Variants in SEZ6 observed in about 807,000 individuals in gnomAD.
The protein encoded by SEZ6 is seizure related 6 homolog.
In SEZ6, 53 loss-of-function variants were observed where a neutral mutation model predicts 101.0. The observed-to-expected ratio is 0.52, with a 90% CI of 0.42 to 0.66. The LOEUF (loss-of-function observed/expected upper bound fraction) is 0.66. Among genes scored for constraint, SEZ6 ranks in the 30% least tolerant of loss-of-function variants. The probability of loss-of-function intolerance (pLI) is 0.00; values close to 1 mark genes in which losing one functional copy is unlikely to be tolerated. For synonymous variants in SEZ6, 488 were observed against 512.2 expected (o/e 0.95, Z 0.64); for missense variants, 1,102 against 1,289.4 (o/e 0.85, Z 2.23).
intron 4 of SEZ6, among the ~76,000 whole-genome samples, chr17:28,964,481 G>T (rs2041031761): frequency 6.6e-6 from 1 of 152,138 alleles, no homozygotes. Flanking sequence ...CTACCTACAG[G>T]GTTACTGTGA....
chr17:28,963,358 C>T (rs1285050107), intron 5 of SEZ6, among the ~76,000 whole-genome samples: 1 of 152,172 alleles, frequency 6.6e-6, no homozygotes, highest in Non-Finnish European at 1.5e-5. Flanking sequence ...TGGCTGGCCT[C>T]CCAGTCATCT....
chr17:28,993,667 A>G (rs922065914), intron 1 of SEZ6, among the ~76,000 whole-genome samples: 2 of 152,132 alleles, frequency 1.3e-5, no homozygotes, highest in Admixed American at 1.3e-4. Flanking sequence ...CTCGCTCCAC[A>G]TACCCAACAA....
intron 1 of SEZ6, among the ~76,000 whole-genome samples, chr17:28,988,268 C>T (rs574416777): frequency 6.6e-6 from 1 of 152,328 alleles, no homozygotes; most frequent in South Asian, 2.1e-4. Flanking sequence ...TTCTCTTGAC[C>T]TCCTGGGGGC....
In SEZ6 at chr17:28,956,447, A is replaced by G. The variant is rs781290921; in HGVS notation, c.2752T>C (p.Ser918Pro). ...SLDVAKAPAASSTLDAAHIAA... is the reference protein window; with the variant it reads ...SLDVAKAPAAPSTLDAAHIAA... ...ATGTGGGCAGCATCCAGGGTGCTGG[A>G]GGCAGCAGGTGCCTTGGCAACTGAA... The change falls in exon 15 of 17, where the codon TCC (serine) becomes CCC (proline). Residue 918 changes from serine (S) to proline (P), a missense_variant. Physicochemically the swap from Ser to Pro is moderately conservative, Grantham distance 74 (BLOSUM62 -1). This residue lies in a region of SEZ6 where 140 missense variants were observed against 135.7 expected (regional missense o/e 1.03). Coordinates refer to ENST00000317338, the MANE Select transcript of SEZ6 (RefSeq NM_178860.5). 1 of 1,557,730 alleles carries G rather than the reference A, an allele frequency of 6.4e-7. No homozygotes were observed. Among genetic ancestry groups the G allele is most frequent in the South Asian group, 1.2e-5 (1 of 84,414 alleles).
intron 1 of SEZ6, among the ~76,000 whole-genome samples, chr17:28,986,741 G>A (rs1396551261): frequency 6.6e-6 from 1 of 152,218 alleles, no homozygotes; most frequent in Middle Eastern, 3.2e-3. Flanking sequence ...ATCCCAAATC[G>A]ATGTGACACT....
intron 1 of SEZ6, among the ~76,000 whole-genome samples, chr17:28,997,073 A>G (rs1349859083): frequency 6.6e-6 from 1 of 152,008 alleles, no homozygotes; most frequent in Non-Finnish European, 1.5e-5. Context: ...GGCTCTTTCT[A>G]TCCTGGCTGG....
intron 3 of SEZ6, among the ~76,000 whole-genome samples, chr17:28,976,574 G>A (rs917436448): frequency 1.3e-5 from 2 of 152,174 alleles, no homozygotes; most frequent in Non-Finnish European, 2.9e-5. Flanking sequence ...CCCCAAGCCT[G>A]AGGAGCCATG....
chr17:28,960,744 C>T (rs899399874), intron 6 of SEZ6, 61 bp downstream of exon 6: 12 of 1,610,884 alleles, frequency 7.4e-6, no homozygotes, highest in East Asian at 6.7e-5. Flanking sequence ...GCTTGGGTAG[C>T]GTCCCTCCAG....
intron 10 of SEZ6, among the ~76,000 whole-genome samples, chr17:28,958,698 G>A (rs994301168): frequency 2.0e-5 from 3 of 151,892 alleles, no homozygotes; most frequent in Non-Finnish European, 2.9e-5. Flanking sequence ...GATGAGGCAC[G>A]AGAATCGCTT....
chr17:28,960,765 C>A (rs771279170), intron 6 of SEZ6, 40 bp downstream of exon 6: 8 of 1,612,634 alleles, frequency 5.0e-6, no homozygotes, highest in Non-Finnish European at 5.9e-6. Flanking sequence ...CAGGGTATTA[C>A]CAGGCCAGGC....
Position 29,005,069 on chromosome 17 carries a change from C to CGG in SEZ6, c.55+744_55+745dup, listed in dbSNP as rs1808764473. On this transcript the variant is annotated intron_variant, in intron 1 of 16. Transcript: ENST00000317338. The surrounding 1 kb of genome is among the most constrained non-coding windows in gnomAD (Gnocchi z 4.8). The stretch of plus-strand genomic sequence containing the variant: ...GGCAGGCCGGGAGGGAGGCAGAGCT[C>CGG]GGGGCAGTGGTGTGTGTGTGTGTGT... 7.1e-6 allele frequency among the ~76,000 whole-genome samples: 1 copy of CGG among 141,420 alleles called. No individual in the cohort carries two copies. Among genetic ancestry groups the CGG allele is most frequent in the Admixed American group, 7.2e-5 (1 of 13,864 alleles). 92.8% of individuals were successfully genotyped at this position (141,420 alleles called of 152,430 possible).
At chr17:28,992,948 T>C (rs1265765880) in intron 1 of SEZ6, among the ~76,000 whole-genome samples, 1 of 152,170 alleles carries the variant, frequency 6.6e-6, no homozygotes, top group Non-Finnish European at 1.5e-5. Context: ...CCTGTTTGCC[T>C]GCTGGCCCTG....
chr17:28,989,694 G>A (rs2041430712), intron 1 of SEZ6, among the ~76,000 whole-genome samples: 1 of 152,042 alleles, frequency 6.6e-6, no homozygotes, highest in Non-Finnish European at 1.5e-5. Context: ...CCTGGGTATG[G>A]GCCAAGCTAA....
chr17:28,957,400 A>G lies in SEZ6; in HGVS notation c.2442T>C (p.His814=). The change falls in exon 12 of 17, where the codon CAT becomes CAC. Residue 814 remains histidine, a synonymous_variant. Coordinates refer to ENST00000317338, the MANE Select transcript of SEZ6 (RefSeq NM_178860.5). ...VLMGSSILTC[H]DRQAGSPKWS... The stretch of plus-strand genomic sequence containing the variant: ...ACTTGGGGCTGCCAGCCTGGCGATC[A>G]TGGCAGGTGAGGATGGAGCTGCCCA... 1.2e-6 allele frequency: 2 copies of G among 1,613,774 alleles called. No individual in the cohort carries two copies. The highest frequency in any genetic ancestry group is 2.2e-5 in the South Asian group (2 of 91,052).
chr17:29,005,836 G>A lies in SEZ6; in HGVS notation c.34C>T (p.Leu12=), dbSNP rs1273538999. The A allele has an allele frequency of 3.1e-5, 46 of 1,486,604 alleles. 1 individual carries two copies. In the Admixed American group the frequency reaches 9.6e-4, roughly 31 times the overall value. 92.1% of individuals were successfully genotyped at this position (1,486,604 alleles called of 1,614,324 possible). A position where few individuals can be genotyped will look rare whatever the true frequency, so the allele number is the denominator to read the frequency against. The part of the protein sequence containing the change: ...RPVALLLLPS[L]LALLAHGLSL... ...TTACCGTGAGCCAGGAGCGCCAGCA[G>A]CGAGGGCAGGAGCAGCAGGGCTACC... The change falls in exon 1 of 17, where the codon CTG becomes TTG. Residue 12 remains leucine (L), a synonymous_variant. Transcript: ENST00000317338. This position sits in a 1 kb window ranked among gnomAD's most constrained non-coding sequence, Gnocchi z 4.8.
At chr17:28,969,072 A>G (rs2152686102) in intron 4 of SEZ6, among the ~76,000 whole-genome samples, 1 of 152,356 alleles carries the variant, frequency 6.6e-6, no homozygotes, top group Admixed American at 6.5e-5. Flanking sequence ...GTTTCATATT[A>G]CAGCAGAAGG....
chr17:28,982,495 CGTAA>C lies in SEZ6; in HGVS notation c.56-460_56-457del, dbSNP rs1305057452. On this transcript the variant is annotated intron_variant, in intron 1 of 16. Transcript: ENST00000317338. ...CGACCAGTTGAATTGAGATGAAAACCGTAAGTGTGTCTCCCACCACAGTGTCTTT... is the reference window on the plus strand; with the variant it reads ...CGACCAGTTGAATTGAGATGAAAACCGTGTGTCTCCCACCACAGTGTCTTT... Among the ~76,000 whole-genome samples, 3 of 152,300 alleles carry C rather than the reference CGTAA, an allele frequency of 2.0e-5. No homozygotes were observed. In the East Asian group the frequency reaches 5.8e-4, roughly 29 times the overall value.
At chr17:28,980,359 A>C (rs889075520) in intron 2 of SEZ6, among the ~76,000 whole-genome samples, 11 of 147,120 alleles carry the variant, frequency 7.5e-5, no homozygotes, top group African/African-American at 1.5e-4. Flanking sequence ...GGTGTACACC[A>C]CCATGCCTGG....
rs370136557 is a variant in SEZ6, at chr17:28,960,646, C to T, written c.1435G>A (p.Val479Met). The change falls in exon 7 of 17, where the codon GTG becomes ATG. Residue 479 changes from valine (V) to methionine (M), a missense_variant. Transcript: ENST00000317338. ...DRLIIRNGDN[V>M]EAPPVYDSYE... Reference sequence around the variant, plus strand: ...GAATCATACACTGGTGGGGCCTCCACGTTGTCCCCATTGCGAATGATGAGC... The same window carrying T: ...GAATCATACACTGGTGGGGCCTCCATGTTGTCCCCATTGCGAATGATGAGC... 38 of 1,601,086 alleles carry T rather than the reference C, an allele frequency of 2.4e-5. No homozygotes were observed. Among genetic ancestry groups the T allele is most frequent in the Middle Eastern group, 3.3e-4 (2 of 6,072 alleles).
Sources: gnomAD v4.1 joint callset for allele counts (sites outside exome capture counted in the v4.1 genomes callset) on GRCh38, gnomAD v4.1.1 for gene constraint, gnomAD v4.1.1 regional missense constraint, Gnocchi (gnomAD v3.1) non-coding constraint, MANE v1.5 for transcripts, NCBI Gene and HGNC (gene_info 2026-07-23, HGNC 2026-07-21) for gene names.